Variants in WNK2 observed in about 807,000 individuals in gnomAD.
WNK2 encodes serine/threonine-protein kinase WNK2.
In WNK2, 67 loss-of-function variants were observed where a neutral mutation model predicts 192.1. That is an observed-to-expected ratio of 0.35 (90% CI 0.29 to 0.43). The LOEUF is 0.43. Among genes scored for constraint, WNK2 ranks in the 20% least tolerant of loss-of-function variants. WNK2 has a pLI of 1.00. For missense variants in WNK2, 2,698 were observed against 3,089.7 expected (o/e 0.87, Z 3.01); for synonymous variants, 1,439 against 1,393.9 (o/e 1.03, Z -0.72).
intron 2 of WNK2, among the ~76,000 whole-genome samples, chr9:93,219,369 G>A (rs1836380116): frequency 6.6e-6 from 1 of 152,264 alleles, no homozygotes; most frequent in Non-Finnish European, 1.5e-5. Flanking sequence ...TTCAAAAAGT[G>A]CACACAAGGA....
intron 2 of WNK2, among the ~76,000 whole-genome samples, chr9:93,196,191 T>A (rs1182866870): frequency 6.6e-6 from 1 of 152,114 alleles, no homozygotes; most frequent in African/African-American, 2.4e-5. Flanking sequence ...ACAGGCTGAC[T>A]GTTAGTGGAG....
Position 93,256,934 on chromosome 9 carries a change from TTC to T in WNK2, c.2191-9_2191-8del. 6.5e-7 allele frequency: 1 copy of T among 1,544,410 alleles called. No individual in the cohort carries two copies. Among genetic ancestry groups the T allele is most frequent in the South Asian group, 1.2e-5 (1 of 84,492 alleles). On this transcript the variant is annotated splice_polypyrimidine_tract_variant and intron_variant, in intron 10 of 29. Coordinates refer to ENST00000427277, the MANE Select transcript of WNK2 (RefSeq NM_006648.4). ...GATTGGTGGTCTAAGGGGAGCTACC[TTC>T]TCTCCCTCTAGCCTCCTCCGCTGGC...
intron 2 of WNK2, among the ~76,000 whole-genome samples, chr9:93,194,704 G>A (rs945328215): frequency 6.6e-5 from 10 of 152,170 alleles, no homozygotes. Context: ...GCGTTCCTTG[G>A]TATTTACCCA....
chr9:93,193,179 A>G (rs1830631984), intron 2 of WNK2, among the ~76,000 whole-genome samples: 1 of 152,086 alleles, frequency 6.6e-6, no homozygotes, highest in Admixed American at 6.5e-5. Context: ...GTCGCCCCAA[A>G]GGTCCCAGCC....
In WNK2 at chr9:93,239,097, C is replaced by T. The variant is rs1011739908; in HGVS notation, c.1323-660C>T. 5.3e-5 allele frequency among the ~76,000 whole-genome samples: 8 copies of T among 152,236 alleles called. No homozygotes were observed. The highest frequency in any genetic ancestry group is 5.2e-4 in the Admixed American group (8 of 15,288). On this transcript the variant is annotated intron_variant, in intron 6 of 29. Transcript: ENST00000427277. The surrounding 1 kb of genome is among the most constrained non-coding windows in gnomAD (Gnocchi z 4.2). ...TATAGGTTAGTGGTTAGGGAGGCTT[C>T]TTTGGGTGGCCAAGCCCTGCAGAGC...
intron 2 of WNK2, among the ~76,000 whole-genome samples, chr9:93,216,247 T>C (rs1053345175): frequency 4.6e-5 from 7 of 152,204 alleles, no homozygotes; most frequent in Non-Finnish European, 8.8e-5. Flanking sequence ...TACTGCTTAG[T>C]GGTAATGCTC....
intron 4 of WNK2, 57 bp downstream of exon 4, chr9:93,231,165 G>T: frequency 2.0e-6 from 3 of 1,515,142 alleles, no homozygotes; most frequent in Non-Finnish European, 2.7e-6. Context: ...GGGCAGCAGT[G>T]AGTGCTGGCG....
chr9:93,198,923 G>A (rs1169005686), intron 2 of WNK2, among the ~76,000 whole-genome samples: 2 of 152,158 alleles, frequency 1.3e-5, no homozygotes, highest in Non-Finnish European at 2.9e-5. Context: ...TCTCGAGCTC[G>A]GGGCCTCCTC....
rs561348672 is a variant in WNK2, at chr9:93,259,439, C to G, written c.2891C>G (p.Pro964Arg). Residue 964 changes from proline (P) to arginine (R), a missense_variant, in exon 12 of 30, where the codon CCT (proline) becomes CGT (arginine). Pro to Arg is a moderately radical substitution (Grantham distance 103, BLOSUM62 -2). Transcript: ENST00000427277. This position sits in a 1 kb window ranked among gnomAD's most constrained non-coding sequence, Gnocchi z 4.8. ...PVLPPQPTLP[P>R]QPVLPPQPTR... The stretch of plus-strand genomic sequence containing the variant: ...CTGCCCCCGCAACCCACGCTGCCCC[C>G]TCAACCTGTGTTGCCCCCGCAACCC... The G allele has an allele frequency of 3.3e-6, 5 of 1,527,662 alleles. No individual in the cohort carries two copies. Among genetic ancestry groups the G allele is most frequent in the Non-Finnish European group, 4.4e-6 (5 of 1,132,612 alleles). The allele number at this position is 1,527,662 out of a possible 1,614,324, so 94.6% of individuals were successfully genotyped here.
At chr9:93,255,531 C>G (rs573688427) in intron 9 of WNK2, among the ~76,000 whole-genome samples, 1 of 152,112 alleles carries the variant, frequency 6.6e-6, no homozygotes, top group Non-Finnish European at 1.5e-5. Context: ...GCACCCACCG[C>G]GAAAGACAAG....
Position 93,230,984 on chromosome 9 carries a change from A to G in WNK2, c.951A>G (p.Pro317=), listed in dbSNP as rs1344980718. The change falls in exon 4 of 30, where the codon CCA becomes CCG. Residue 317 remains proline, a synonymous_variant. Coordinates refer to ENST00000427277, the MANE Select transcript of WNK2 (RefSeq NM_006648.4). ...TGCTGTTCCTGCACACAAGGACGCCACCCATCATCCACCGAGACCTGAAAT... is the reference window on the plus strand; with the variant it reads ...TGCTGTTCCTGCACACAAGGACGCCGCCCATCATCCACCGAGACCTGAAAT... ...KGLLFLHTRT[P]PIIHRDLKCD... is the part of the protein sequence containing the mutation. The G allele has an allele frequency of 6.2e-7, 1 of 1,613,782 alleles. No individual in the cohort carries two copies. Among genetic ancestry groups the G allele is most frequent in the Non-Finnish European group, 8.5e-7 (1 of 1,179,834 alleles).
At chr9:93,219,864 A>T (rs116857737) in intron 2 of WNK2, among the ~76,000 whole-genome samples, 5,009 of 152,288 alleles carry the variant, frequency 0.033, 122 homozygotes, top group Non-Finnish European at 0.048. Flanking sequence ...GCAGGTGCAG[A>T]TGGTGGCACT....
rs763277254 is a variant in WNK2 at position 93,259,163 on chromosome 9, C to T, written c.2615C>T (p.Pro872Leu). Residue 872 changes from proline (P) to leucine (L), a missense_variant, in exon 12 of 30, where the codon CCC becomes CTC. Coordinates refer to ENST00000427277, the MANE Select transcript of WNK2 (RefSeq NM_006648.4). This position sits in a 1 kb window ranked among gnomAD's most constrained non-coding sequence, Gnocchi z 4.8. ...PHPPGAPLAM[P>L]CRTIVPNAPA... ...CCCCCTGGGGCGCCCCTGGCCATGCCCTGCCGGACCATTGTGCCAAATGCA... is the reference window on the plus strand; with the variant it reads ...CCCCCTGGGGCGCCCCTGGCCATGCTCTGCCGGACCATTGTGCCAAATGCA... The T allele has an allele frequency of 1.9e-6, 3 of 1,612,506 alleles. No homozygotes were observed. The highest frequency in any genetic ancestry group is 8.5e-7 in the Non-Finnish European group (1 of 1,179,652).
chr9:93,281,373 C>CA (rs11311059), intron 19 of WNK2, among the ~76,000 whole-genome samples: 9 of 151,180 alleles, frequency 6.0e-5, no homozygotes, highest in Non-Finnish European at 7.4e-5. Context: ...GAAACTATGC[C>CA]AAAAAAAAAG....
At chr9:93,192,989 G>A (rs577325710) in intron 2 of WNK2, among the ~76,000 whole-genome samples, 1 of 152,326 alleles carries the variant, frequency 6.6e-6, no homozygotes, top group African/African-American at 2.4e-5. Context: ...CCAAGGTGAT[G>A]GCATGGAGCT....
At chr9:93,288,659 C>T (rs899755711) in intron 19 of WNK2, 129 bp from the exon 20 acceptor site, 6 of 976,962 alleles carry the variant, frequency 6.1e-6, no homozygotes, top group African/African-American at 3.3e-5. Context: ...CCTGGCGTGT[C>T]GGGAAACAGA....
At chr9:93,318,433 C>A in intron 29 of WNK2, 1 of 1,614,120 alleles carries the variant, frequency 6.2e-7, no homozygotes, top group Non-Finnish European at 8.5e-7. Context: ...GACGCTGGGG[C>A]AGGGCACACT....
At chr9:93,223,669 C>T (rs1476808068) in intron 2 of WNK2, among the ~76,000 whole-genome samples, 1 of 152,220 alleles carries the variant, frequency 6.6e-6, no homozygotes, top group Non-Finnish European at 1.5e-5. Context: ...GACCCAGACC[C>T]TCTCTCCACT....
At chr9:93,235,071 TA>T in intron 5 of WNK2, 106 bp downstream of exon 5, 2 of 1,405,750 alleles carry the variant, frequency 1.4e-6, no homozygotes, top group Non-Finnish European at 1.9e-6. Context: ...GGCAGCTGTG[TA>T]AGGAGCTTGG....
Sources: allele counts gnomAD v4.1 joint callset (sites outside exome capture counted in the v4.1 genomes callset), GRCh38; gene constraint gnomAD v4.1.1; non-coding constraint Gnocchi (gnomAD v3.1); transcripts MANE v1.5; gene names NCBI Gene and HGNC (gene_info 2026-07-23, HGNC 2026-07-21).